The following EYS variants were observed in gnomAD, a reference collection of about 807,000 sequenced individuals.
EYS encodes the protein protein eyes shut homolog.
Under a neutral mutation model 282.1 loss-of-function variants are expected in EYS, and 250 were observed. That is an observed-to-expected ratio of 0.89 (90% CI 0.80 to 0.98). The LOEUF is 0.98. Among genes scored for constraint, EYS ranks in the 50% least tolerant of loss-of-function variants. The pLI is 0.00. For synonymous variants in EYS, 1,355 were observed against 1,282.9 expected (o/e 1.06, Z -1.20); for missense variants, 4,016 against 3,709.0 (o/e 1.08, Z -2.15).
At chr6:65,231,201 ATTTTC>A (rs1159003904) in intron 12 of EYS, among the ~76,000 whole-genome samples, 1 of 144,816 alleles carries the variant, frequency 6.9e-6, no homozygotes, top group Admixed American at 7.0e-5. Context: ...ATATATATAT[ATTTTC>A]TTTTCAGACA....
At chr6:63,960,623 C>T (rs151186833) in intron 35 of EYS, among the ~76,000 whole-genome samples, 1,740 of 152,258 alleles carry the variant, frequency 0.011, 14 homozygotes, top group Non-Finnish European at 0.018. Context: ...TATCTTATTG[C>T]CACAGCCACT....
intron 26 of EYS, among the ~76,000 whole-genome samples, chr6:64,441,038 G>A (rs1176307900): frequency 6.6e-6 from 1 of 152,118 alleles, no homozygotes; most frequent in African/African-American, 2.4e-5. Flanking sequence ...ACGCTTGGGT[G>A]AAAGAATGGT....
chr6:65,339,603 A>C (rs1770122613), intron 10 of EYS, among the ~76,000 whole-genome samples: 1 of 151,238 alleles, frequency 6.6e-6, no homozygotes, highest in African/African-American at 2.4e-5. Flanking sequence ...AGTTTCAGGC[A>C]TACACTGGGG....
intron 19 of EYS, among the ~76,000 whole-genome samples, chr6:64,827,692 G>C (rs1765099467): frequency 6.6e-6 from 1 of 151,672 alleles, no homozygotes; most frequent in Non-Finnish European, 1.5e-5. Context: ...AATTAAAAAA[G>C]TCATAAGAGC....
intron 12 of EYS, among the ~76,000 whole-genome samples, chr6:65,122,834 G>GA (rs1450856343): frequency 6.6e-6 from 1 of 151,970 alleles, no homozygotes; most frequent in East Asian, 1.9e-4. Context: ...TACCTTGTTT[G>GA]AAAATTTAAC....
intron 12 of EYS, among the ~76,000 whole-genome samples, chr6:65,117,644 A>G (rs1450682511): frequency 2.0e-5 from 3 of 152,206 alleles, no homozygotes; most frequent in East Asian, 3.8e-4. Context: ...ATTTAATATT[A>G]GAGAGTTCAA....
intron 18 of EYS, among the ~76,000 whole-genome samples, chr6:64,897,531 C>T (rs1291101451): frequency 6.6e-6 from 1 of 152,142 alleles, no homozygotes; most frequent in African/African-American, 2.4e-5. Flanking sequence ...ATTTTAAAAA[C>T]CAGAATGCCT....
intron 12 of EYS, among the ~76,000 whole-genome samples, chr6:65,106,922 T>C (rs35407072): frequency 0.47 from 71,347 of 151,368 alleles, 17,404 homozygotes; most frequent in African/African-American, 0.56. Context: ...ATGGCTGGGT[T>C]TGAGAAAAAG....
chr6:64,589,163 C>G (rs17217945), intron 26 of EYS, among the ~76,000 whole-genome samples: 15,589 of 151,876 alleles, frequency 0.1, 936 homozygotes, highest in East Asian at 0.17. Context: ...AGTACAAGGA[C>G]AATACCACAT....
intron 30 of EYS, among the ~76,000 whole-genome samples, chr6:64,240,694 C>G (rs1582472059): frequency 6.6e-6 from 1 of 152,174 alleles, no homozygotes; most frequent in Non-Finnish European, 1.5e-5. Context: ...ACGTCATCTG[C>G]AAACAGAGAC....
chr6:65,686,600 G>A (rs767562057), intron 1 of EYS, among the ~76,000 whole-genome samples: 4 of 152,100 alleles, frequency 2.6e-5, no homozygotes, highest in Admixed American at 6.6e-5. Flanking sequence ...GGATTCATAT[G>A]TTTGTTAAAC....
intron 14 of EYS, among the ~76,000 whole-genome samples, chr6:64,960,280 A>ATAG (rs1318824612): frequency 1.3e-5 from 2 of 152,120 alleles, no homozygotes; most frequent in African/African-American, 4.8e-5. Context: ...GAATATGTAA[A>ATAG]TAGTTACTTT....
intron 19 of EYS, among the ~76,000 whole-genome samples, chr6:64,861,604 C>T (rs1481640368): frequency 6.6e-6 from 1 of 152,132 alleles, no homozygotes; most frequent in Non-Finnish European, 1.5e-5. Flanking sequence ...TTCCACCCTG[C>T]CATCTCAGAA....
chr6:64,392,891 A>G (rs1414053589), intron 28 of EYS, among the ~76,000 whole-genome samples: 6 of 152,090 alleles, frequency 3.9e-5, no homozygotes, highest in Non-Finnish European at 5.9e-5. Flanking sequence ...CAAGACTAAT[A>G]AAGAAAAAAA....
intron 37 of EYS, among the ~76,000 whole-genome samples, chr6:63,795,505 G>T (rs1582215092): frequency 2.0e-5 from 3 of 152,308 alleles, no homozygotes; most frequent in South Asian, 4.1e-4. Flanking sequence ...ATGGGTGGTA[G>T]TGATAGTAAC....
chr6:64,843,286 T>C (rs1405297900), intron 19 of EYS, among the ~76,000 whole-genome samples: 1 of 152,078 alleles, frequency 6.6e-6, no homozygotes, highest in Non-Finnish European at 1.5e-5. Flanking sequence ...AGTAGAGCTG[T>C]GAGAAGAGGG....
chr6:65,332,920 G>A (rs1210281837), intron 11 of EYS, among the ~76,000 whole-genome samples: 1 of 150,912 alleles, frequency 6.6e-6, no homozygotes, highest in Non-Finnish European at 1.5e-5. Context: ...ATTTACAGTT[G>A]TTCATAGCAT....
chr6:64,510,640 T>G (rs1562033550), intron 26 of EYS, among the ~76,000 whole-genome samples: 1 of 152,198 alleles, frequency 6.6e-6, no homozygotes, highest in Non-Finnish European at 1.5e-5. Context: ...GTAAATTGTT[T>G]TAAAATCATA....
chr6:64,606,675 C>T (rs775466327), intron 24 of EYS, among the ~76,000 whole-genome samples: 1 of 152,058 alleles, frequency 6.6e-6, no homozygotes, highest in Admixed American at 6.6e-5. Flanking sequence ...TGTGGCAATA[C>T]ATATTTTCTT....
Sources: allele counts gnomAD v4.1 joint callset (sites outside exome capture counted in the v4.1 genomes callset), GRCh38; gene constraint gnomAD v4.1.1; transcripts MANE v1.5; gene names NCBI Gene and HGNC (gene_info 2026-07-23, HGNC 2026-07-21).